GALNTL6: variants seen among roughly 807,000 people sequenced by gnomAD.
GALNTL6 encodes the protein polypeptide N-acetylgalactosaminyltransferase like 6.
A neutral mutation model predicts 73.7 loss-of-function variants in GALNTL6; 46 were observed. The ratio of observed to expected loss-of-function variants is 0.62; its 90% CI spans 0.49 to 0.80. GALNTL6 has a LOEUF of 0.80. GALNTL6 is among the 30% of genes least tolerant of loss of function. GALNTL6 has a pLI of 0.00. For synonymous variants in GALNTL6, 259 were observed against 263.7 expected (o/e 0.98, Z 0.17); for missense variants, 604 against 755.0 (o/e 0.80, Z 2.34).
At chr4:172,961,685 T>G (rs1374645214) in intron 10 of GALNTL6, among the ~76,000 whole-genome samples, 2 of 151,926 alleles carry the variant, frequency 1.3e-5, no homozygotes, top group African/African-American at 4.8e-5. Flanking sequence ...GTGCCAAGAT[T>G]GAAAGGAGAA....
intron 2 of GALNTL6, among the ~76,000 whole-genome samples, chr4:172,027,860 A>G (rs2110814080): frequency 6.6e-6 from 1 of 152,292 alleles, no homozygotes; most frequent in East Asian, 1.9e-4. Context: ...TCTAGATGGA[A>G]GATCCAGGAT....
intron 5 of GALNTL6, among the ~76,000 whole-genome samples, chr4:172,721,332 T>C (rs1405511666): frequency 6.6e-6 from 1 of 152,072 alleles, no homozygotes; most frequent in Non-Finnish European, 1.5e-5. Flanking sequence ...GGGCAGAAAA[T>C]AAAAGAGGAA....
intron 2 of GALNTL6, among the ~76,000 whole-genome samples, chr4:171,854,183 C>T (rs1472630556): frequency 6.6e-6 from 1 of 152,152 alleles, no homozygotes; most frequent in East Asian, 1.9e-4. Flanking sequence ...GGGAAGCGGG[C>T]AGTGTTCATG....
chr4:171,949,370 T>C (rs1214894153), intron 2 of GALNTL6, among the ~76,000 whole-genome samples: 4 of 152,226 alleles, frequency 2.6e-5, no homozygotes, highest in African/African-American at 9.7e-5. Flanking sequence ...GTGTTCTTGG[T>C]TTCTAGAATG....
rs1254394266 is a variant in GALNTL6 at position 172,339,314 on chromosome 4, C to CACACAG, written c.387-9208_387-9207insCACAGA. Among the ~76,000 whole-genome samples the CACACAG allele has an allele frequency of 2.9e-5, 4 of 138,284 alleles. No homozygotes were observed. In the East Asian group the frequency reaches 6.3e-4, roughly 22 times the overall value. The allele number at this position is 138,284 out of a possible 152,430, so 90.7% of individuals were successfully genotyped here. ...ACACACACACACACACACACACACA[C>CACACAG]AGAGTTTCCAGGTCACCAAGTTGGT... On this transcript the variant is annotated intron_variant, in intron 4 of 12. Transcript: ENST00000506823.
At chr4:172,169,459 A>G (rs991272274) in intron 2 of GALNTL6, among the ~76,000 whole-genome samples, 2 of 152,214 alleles carry the variant, frequency 1.3e-5, no homozygotes, top group Non-Finnish European at 2.9e-5. Context: ...ATAGTGATGT[A>G]GTTTGACACT....
intron 2 of GALNTL6, among the ~76,000 whole-genome samples, chr4:171,934,670 C>T (rs946648766): frequency 2.0e-5 from 3 of 152,118 alleles, no homozygotes; most frequent in African/African-American, 7.2e-5. Flanking sequence ...CCTGACTCAG[C>T]CTCCCTAACT....
At chr4:172,234,725 TTATC>T (rs539612815) in intron 3 of GALNTL6, among the ~76,000 whole-genome samples, 67 of 152,282 alleles carry the variant, frequency 4.4e-4, no homozygotes, top group African/African-American at 1.5e-3. Context: ...TTTCAAATCT[TTATC>T]TATGAATTAA....
chr4:172,020,433 AAG>A (rs1271323582), intron 2 of GALNTL6, among the ~76,000 whole-genome samples: 2 of 151,920 alleles, frequency 1.3e-5, no homozygotes, highest in African/African-American at 4.8e-5. Flanking sequence ...CTAAGAAAAA[AAG>A]AGAGAAAATC....
chr4:172,756,306 A>G (rs1263230886), intron 5 of GALNTL6, among the ~76,000 whole-genome samples: 2 of 152,196 alleles, frequency 1.3e-5, no homozygotes, highest in African/African-American at 4.8e-5. Context: ...ATCATAGAAC[A>G]ACACTACTTG....
At chr4:172,910,951 G>A (rs1430368746) in intron 8 of GALNTL6, among the ~76,000 whole-genome samples, 2 of 152,116 alleles carry the variant, frequency 1.3e-5, no homozygotes, top group Non-Finnish European at 2.9e-5. Flanking sequence ...ATGACACACC[G>A]GCATCCTAAA....
At chr4:172,285,503 C>G (rs1739214632) in intron 3 of GALNTL6, among the ~76,000 whole-genome samples, 1 of 152,144 alleles carries the variant, frequency 6.6e-6, no homozygotes, top group African/African-American at 2.4e-5. Context: ...TAGAAAGCCC[C>G]TTTGTTCTAT....
At chr4:172,770,312 G>C (rs1738692457) in intron 5 of GALNTL6, among the ~76,000 whole-genome samples, 1 of 134,144 alleles carries the variant, frequency 7.5e-6, no homozygotes, top group South Asian at 2.5e-4. Flanking sequence ...AGCTTTTATA[G>C]ATAAAATATT....
chr4:172,359,341 C>T (rs1848396), intron 5 of GALNTL6, among the ~76,000 whole-genome samples: 145,964 of 152,142 alleles, frequency 0.96, 70,291 homozygotes, highest in East Asian at 1. Context: ...GAGAATACAT[C>T]GGGGCCTACT....
At chr4:172,398,862 G>GT (rs1284175319) in intron 5 of GALNTL6, among the ~76,000 whole-genome samples, 5 of 150,630 alleles carry the variant, frequency 3.3e-5, no homozygotes, top group East Asian at 2.0e-4. Context: ...CAATGTTTGG[G>GT]TTTTTTTTTC....
intron 2 of GALNTL6, among the ~76,000 whole-genome samples, chr4:172,132,493 G>C (rs541054315): frequency 3.9e-5 from 6 of 151,940 alleles, no homozygotes; most frequent in African/African-American, 1.4e-4. Flanking sequence ...CCTCAATAGG[G>C]TTACTTTATT....
intron 5 of GALNTL6, among the ~76,000 whole-genome samples, chr4:172,709,134 T>C (rs1106651): frequency 6.6e-6 from 1 of 152,006 alleles, no homozygotes; most frequent in South Asian, 2.1e-4. Context: ...GAGTTGATGA[T>C]CACATGCAGG....
At chr4:172,370,118 G>T (rs1419950954) in intron 5 of GALNTL6, among the ~76,000 whole-genome samples, 1 of 152,274 alleles carries the variant, frequency 6.6e-6, no homozygotes, top group Admixed American at 6.5e-5. Flanking sequence ...TGAAGAAGGG[G>T]CCCTGCAGTT....
At chr4:172,156,068 G>A (rs1347923220) in intron 2 of GALNTL6, among the ~76,000 whole-genome samples, 1 of 151,974 alleles carries the variant, frequency 6.6e-6, no homozygotes, top group African/African-American at 2.4e-5. Flanking sequence ...CTGTTTTAAC[G>A]AGCGCCTGGG....
Sources: gnomAD v4.1 joint callset for allele counts (sites outside exome capture counted in the v4.1 genomes callset) on GRCh38, gnomAD v4.1.1 for gene constraint, MANE v1.5 for transcripts, NCBI Gene and HGNC (gene_info 2026-07-23, HGNC 2026-07-21) for gene names.